CNBD1: variants seen among roughly 807,000 people sequenced by gnomAD.
CNBD1 encodes the protein cyclic nucleotide binding domain containing 1.
In CNBD1, 71 loss-of-function variants were observed where a neutral mutation model predicts 54.4. The ratio of observed to expected loss-of-function variants is 1.30; its 90% CI spans 1.08 to 1.59. CNBD1 has a LOEUF of 1.59. Ranked by LOEUF, CNBD1 falls within the 40% of genes most tolerant of loss-of-function variation. The pLI is 0.00. For missense variants in CNBD1, 659 were observed against 518.0 expected, an observed-to-expected ratio of 1.27 and a Z score of -2.64; for synonymous variants, 182 against 170.7, an observed-to-expected ratio of 1.07 and a Z score of -0.51.
At chr8:86,963,881 G>A (rs1169832658) in intron 4 of CNBD1, among the ~76,000 whole-genome samples, 1 of 152,140 alleles carries the variant, frequency 6.6e-6, no homozygotes, top group African/African-American at 2.4e-5. Flanking sequence ...TTTGGGAGAT[G>A]GCAATCTGGA....
At chr8:87,308,692 C>G (rs1417449777) in intron 8 of CNBD1, among the ~76,000 whole-genome samples, 1 of 151,988 alleles carries the variant, frequency 6.6e-6, no homozygotes, top group Non-Finnish European at 1.5e-5. Flanking sequence ...GAATTTGTTC[C>G]TTTTATGTAA....
intron 10 of CNBD1, among the ~76,000 whole-genome samples, chr8:87,378,732 A>C (rs527772271): frequency 4.0e-5 from 6 of 151,164 alleles, no homozygotes; most frequent in African/African-American, 1.5e-4. Flanking sequence ...TGAATCTGTA[A>C]ATTACCTTGG....
intron 2 of CNBD1, among the ~76,000 whole-genome samples, chr8:87,414,226 C>G (rs1263639067): frequency 2.0e-5 from 3 of 152,018 alleles, no homozygotes; most frequent in Non-Finnish European, 4.4e-5. Flanking sequence ...TTTGTAGGGA[C>G]ATGGATGAAA....
chr8:86,870,412 T>C (rs1186779160), intron 1 of CNBD1, among the ~76,000 whole-genome samples: 1 of 151,874 alleles, frequency 6.6e-6, no homozygotes, highest in African/African-American at 2.4e-5. Context: ...TTGGCCAGAA[T>C]GGTCTCGATC....
chr8:87,399,463 A>G (rs1278821766), intron 2 of CNBD1, among the ~76,000 whole-genome samples: 1 of 152,064 alleles, frequency 6.6e-6, no homozygotes, highest in Non-Finnish European at 1.5e-5. Flanking sequence ...GAAATAAATC[A>G]ATACAATTTT....
chr8:87,309,846 G>GA (rs1037890461), intron 8 of CNBD1, among the ~76,000 whole-genome samples: 5 of 151,528 alleles, frequency 3.3e-5, no homozygotes, highest in South Asian at 2.1e-4. Flanking sequence ...AATCAGGCAA[G>GA]AAAAAAAATA....
At chr8:87,311,091 T>A (rs1809253955) in intron 8 of CNBD1, among the ~76,000 whole-genome samples, 1 of 151,584 alleles carries the variant, frequency 6.6e-6, no homozygotes, top group African/African-American at 2.4e-5. Flanking sequence ...AAAACAAAAA[T>A]TGACAAGTGG....
chr8:87,379,744 A>T (rs984479837), intron 10 of CNBD1, among the ~76,000 whole-genome samples: 1 of 151,980 alleles, frequency 6.6e-6, no homozygotes, highest in African/African-American at 2.4e-5. Context: ...TTGTAAAATT[A>T]CATTGATTGA....
intron 4 of CNBD1, among the ~76,000 whole-genome samples, chr8:86,998,393 G>A (rs538087624): frequency 5.9e-5 from 9 of 151,970 alleles, no homozygotes; most frequent in African/African-American, 1.9e-4. Context: ...ATTTTTACAC[G>A]GTGAAATCAC....
intron 6 of CNBD1, among the ~76,000 whole-genome samples, chr8:87,277,765 C>T (rs550925646): frequency 1.3e-5 from 2 of 151,672 alleles, no homozygotes; most frequent in East Asian, 3.9e-4. Flanking sequence ...AATAAAGTAC[C>T]TCAGAGAAAG....
chr8:87,283,357 C>T (rs929340623), intron 6 of CNBD1, among the ~76,000 whole-genome samples: 2 of 151,714 alleles, frequency 1.3e-5, no homozygotes, highest in African/African-American at 4.8e-5. Flanking sequence ...CATGGACTTC[C>T]CTTTATAGGG....
At chr8:86,903,701 C>T (rs1586123773) in intron 2 of CNBD1, among the ~76,000 whole-genome samples, 1 of 151,828 alleles carries the variant, frequency 6.6e-6, no homozygotes, top group East Asian at 1.9e-4. Context: ...GCAGAAGGGT[C>T]AATAAAGTAT....
chr8:87,348,120 A>G (rs765401106), intron 8 of CNBD1, among the ~76,000 whole-genome samples: 21 of 152,184 alleles, frequency 1.4e-4, no homozygotes, highest in Non-Finnish European at 2.8e-4. Context: ...TGTGTATAGT[A>G]TTCATTCTTT....
At chr8:86,950,064 T>G (rs1163722355) in intron 4 of CNBD1, among the ~76,000 whole-genome samples, 7 of 75,336 alleles carry the variant, frequency 9.3e-5, no homozygotes, top group African/African-American at 3.7e-4. Flanking sequence ...TTTTTTTTTT[T>G]TTTTTTTTTT....
At chr8:87,308,861 C>A (rs1809208938) in intron 8 of CNBD1, among the ~76,000 whole-genome samples, 1 of 152,070 alleles carries the variant, frequency 6.6e-6, no homozygotes. Flanking sequence ...ATGTGCCTGT[C>A]TTATTTCATT....
At chr8:87,385,429 C>A (rs1811163329), downstream of CNBD1, among the ~76,000 whole-genome samples, 2 of 152,072 alleles carry the variant, frequency 1.3e-5, no homozygotes, top group Non-Finnish European at 2.9e-5. Flanking sequence ...TAATACTGCG[C>A]TTTTCCAACA....
chr8:86,963,463 G>T (rs1047939578), intron 4 of CNBD1, among the ~76,000 whole-genome samples: 1 of 152,106 alleles, frequency 6.6e-6, no homozygotes, highest in Non-Finnish European at 1.5e-5. Context: ...GCCTCAGGGG[G>T]GTGTATGAAC....
intron 8 of CNBD1, among the ~76,000 whole-genome samples, chr8:87,308,530 A>G (rs139366455): frequency 6.6e-6 from 1 of 152,306 alleles, no homozygotes; most frequent in Non-Finnish European, 1.5e-5. Flanking sequence ...ACAATGTGTC[A>G]TGATCAAATC....
intron 3 of CNBD1, among the ~76,000 whole-genome samples, chr8:86,917,985 T>C (rs7832607): frequency 0.048 from 7,353 of 152,284 alleles, 562 homozygotes; most frequent in African/African-American, 0.16. Flanking sequence ...TTAGTTTCTT[T>C]ATAGAAAGTA....
Sources: allele counts gnomAD v4.1 joint callset (sites outside exome capture counted in the v4.1 genomes callset), GRCh38; gene constraint gnomAD v4.1.1; transcripts MANE v1.5; gene names NCBI Gene and HGNC (gene_info 2026-07-23, HGNC 2026-07-21).